Variants in YES1 observed in about 807,000 individuals in gnomAD.
YES1 encodes tyrosine-protein kinase Yes.
In YES1, 39 loss-of-function variants were observed where a neutral mutation model predicts 70.4. The ratio of observed to expected loss-of-function variants is 0.55; its 90% confidence interval spans 0.43 to 0.72. The LOEUF (loss-of-function observed/expected upper bound fraction) is 0.72, where lower values mean the gene tolerates loss of function less well. Ranked by LOEUF, YES1 falls within the 30% of genes least tolerant of loss-of-function variation. The pLI, the probability that YES1 is intolerant of heterozygous loss-of-function variation, is 0.00. For missense variants in YES1, 495 were observed against 644.8 expected (o/e 0.77, Z 2.52); for synonymous variants, 198 against 218.6 (o/e 0.91, Z 0.83).
intron 1 of YES1, among the ~76,000 whole-genome samples, chr18:801,108 A>C (rs976896175): frequency 6.6e-6 from 1 of 152,104 alleles, no homozygotes; most frequent in African/African-American, 2.4e-5. Flanking sequence ...ATCACGTCAC[A>C]GCACTCCAGC....
intron 1 of YES1, among the ~76,000 whole-genome samples, chr18:803,532 C>A (rs1906931274): frequency 6.6e-6 from 1 of 152,140 alleles, no homozygotes; most frequent in Non-Finnish European, 1.5e-5. Flanking sequence ...TTTTCTATAC[C>A]TCATACTGTC....
intron 2 of YES1, among the ~76,000 whole-genome samples, chr18:752,347 T>A (rs2080353665): frequency 6.6e-6 from 1 of 152,172 alleles, no homozygotes; most frequent in African/African-American, 2.4e-5. Flanking sequence ...TGGCCCCAAG[T>A]GATTCGCCTG....
At chr18:757,037 G>A (rs571408701) in intron 1 of YES1, among the ~76,000 whole-genome samples, 11 of 152,176 alleles carry the variant, frequency 7.2e-5, no homozygotes, top group African/African-American at 1.9e-4. Context: ...TACTCCAATC[G>A]CTTCATTCTC....
chr18:781,311 T>A, intron 1 of YES1, among the ~76,000 whole-genome samples: 1 of 151,942 alleles, frequency 6.6e-6, no homozygotes, highest in Non-Finnish European at 1.5e-5. Flanking sequence ...ATGATTTGCT[T>A]AATTTACCTC....
intron 1 of YES1, among the ~76,000 whole-genome samples, chr18:784,902 G>A (rs1269988972): frequency 6.6e-6 from 1 of 152,100 alleles, no homozygotes; most frequent in African/African-American, 2.4e-5. Flanking sequence ...ATATTCAAAG[G>A]TTCCGAGAAT....
intron 11 of YES1, among the ~76,000 whole-genome samples, chr18:724,992 G>A (rs1485689868): frequency 1.3e-5 from 2 of 152,162 alleles, no homozygotes; most frequent in African/African-American, 4.8e-5. Context: ...ATGGTGGCAA[G>A]ATCCTGTCTG....
At chr18:807,397 GC>G (rs1421566620) in intron 1 of YES1, among the ~76,000 whole-genome samples, 1 of 152,088 alleles carries the variant, frequency 6.6e-6, no homozygotes, top group African/African-American at 2.4e-5. Context: ...TACTCAGGAG[GC>G]TAAAGTGGGA....
intron 8 of YES1, among the ~76,000 whole-genome samples, chr18:742,295 A>G (rs546018297): frequency 6.6e-6 from 1 of 152,092 alleles, no homozygotes; most frequent in African/African-American, 2.4e-5. Context: ...TGTGGTCTAG[A>G]GTTAAGGAAA....
At chr18:787,076 CTGTCTTTT>C (rs1304629683) in intron 1 of YES1, among the ~76,000 whole-genome samples, 1 of 93,054 alleles carries the variant, frequency 1.1e-5, no homozygotes, top group Non-Finnish European at 2.1e-5. Context: ...GTGATACATA[CTGTCTTTT>C]TTTTTTTTTT....
intron 11 of YES1, among the ~76,000 whole-genome samples, chr18:726,432 CA>C (rs2080020292): frequency 6.8e-6 from 1 of 148,138 alleles, no homozygotes; most frequent in Non-Finnish European, 1.5e-5. Flanking sequence ...CTCAAAAACA[CA>C]AAAACAAAAA....
intron 1 of YES1, among the ~76,000 whole-genome samples, chr18:763,279 A>C (rs1307759038): frequency 1.3e-5 from 2 of 152,212 alleles, no homozygotes; most frequent in Non-Finnish European, 2.9e-5. Flanking sequence ...GTTTTGAGGA[A>C]TAGCAGAAGA....
intron 1 of YES1, among the ~76,000 whole-genome samples, chr18:804,913 C>CA (rs56748581): frequency 2.1e-5 from 2 of 94,100 alleles, no homozygotes; most frequent in South Asian, 4.2e-4. Flanking sequence ...GACTCTGACT[C>CA]AAAAAAAAAA....
At chr18:734,896 G>A (rs1047550119) in intron 10 of YES1, among the ~76,000 whole-genome samples, 2 of 152,134 alleles carry the variant, frequency 1.3e-5, no homozygotes, top group Non-Finnish European at 1.5e-5. Context: ...GGTGGCTCAC[G>A]CCTGTAATCC....
chr18:759,846 C>T (rs1049381141), intron 1 of YES1, among the ~76,000 whole-genome samples: 3 of 150,984 alleles, frequency 2.0e-5, no homozygotes, highest in African/African-American at 7.3e-5. Context: ...TCTCCTAATG[C>T]TATCCTTCCC....
intron 1 of YES1, among the ~76,000 whole-genome samples, chr18:804,152 C>A (rs180885391): frequency 4.6e-5 from 7 of 152,254 alleles, no homozygotes; most frequent in African/African-American, 1.7e-4. Flanking sequence ...GTTGTCCATA[C>A]CTTTGTCAAT....
chr18:765,913 G>T (rs1041623515), intron 1 of YES1, among the ~76,000 whole-genome samples: 2 of 152,150 alleles, frequency 1.3e-5, no homozygotes, highest in Admixed American at 1.3e-4. Flanking sequence ...GTAAGTTGAA[G>T]AATAATAAGT....
chr18:729,175 T>G lies in YES1; in HGVS notation c.1423+3659A>C, dbSNP rs531579935. 4.8e-4 allele frequency among the ~76,000 whole-genome samples: 73 copies of G among 152,322 alleles called. 1 individual carries two copies. The highest frequency in any genetic ancestry group is 1.5e-3 in the African/African-American group (64 of 41,582). On this transcript the variant is annotated intron_variant, in intron 11 of 11. Transcript: ENST00000314574. ...CATTACCTTGGATACTTTGTTAATG[T>G]GTCTGAATCCACTAATCTTGTCTTC...
At chr18:729,380 A>G (rs182327020) in intron 11 of YES1, among the ~76,000 whole-genome samples, 9 of 151,634 alleles carry the variant, frequency 5.9e-5, no homozygotes, top group African/African-American at 2.2e-4. Flanking sequence ...GTGCCACTGT[A>G]CTCCAGCCTG....
intron 1 of YES1, among the ~76,000 whole-genome samples, chr18:788,762 A>G (rs1416318810): frequency 6.6e-6 from 1 of 152,152 alleles, no homozygotes; most frequent in East Asian, 1.9e-4. Flanking sequence ...TCTACTAAAA[A>G]TATTTTTTTA....
Sources: gnomAD v4.1 joint callset for allele counts (sites outside exome capture counted in the v4.1 genomes callset) on GRCh38, gnomAD v4.1.1 for gene constraint, MANE v1.5 for transcripts, NCBI Gene and HGNC (gene_info 2026-07-23, HGNC 2026-07-21) for gene names.